The following ARHGEF10L variants were observed in gnomAD, a reference collection of about 807,000 sequenced individuals.
The protein encoded by ARHGEF10L is rho guanine nucleotide exchange factor 10-like protein.
ARHGEF10L carries 69 observed loss-of-function variants against 141.2 expected under a neutral mutation model. The ratio of observed to expected loss-of-function variants is 0.49; its 90% CI spans 0.40 to 0.60. The LOEUF (loss-of-function observed/expected upper bound fraction) is 0.60. Ranked by LOEUF, ARHGEF10L falls within the 20% of genes least tolerant of loss-of-function variation. The probability of loss-of-function intolerance (pLI) is 0.00; values close to 1 mark genes in which losing one functional copy is unlikely to be tolerated. For synonymous variants in ARHGEF10L, 711 were observed against 718.5 expected (o/e 0.99, Z 0.17); for missense variants, 1,482 against 1,734.3 (o/e 0.85, Z 2.58).
the ARHGEF10L span, among the ~76,000 whole-genome samples, chr1:17,532,552 T>G: frequency 9.2e-5 from 14 of 151,926 alleles, no homozygotes; most frequent in Non-Finnish European, 1.6e-4. Flanking sequence ...CAGCCCACAT[T>G]TACCCTGTGC....
intron 3 of ARHGEF10L, among the ~76,000 whole-genome samples, chr1:17,588,112 C>T (rs1215506705): frequency 6.6e-6 from 1 of 152,154 alleles, no homozygotes; most frequent in Non-Finnish European, 1.5e-5. Flanking sequence ...AATCTGGGGA[C>T]TGGACCAGCT....
At chr1:17,640,722 T>A (rs1405749800) in intron 21 of ARHGEF10L, among the ~76,000 whole-genome samples, 2 of 152,194 alleles carry the variant, frequency 1.3e-5, no homozygotes, top group Non-Finnish European at 2.9e-5. Flanking sequence ...TTTAAAAGGA[T>A]GCGTTTTATG....
chr1:17,598,403 A>T (rs1012992792), intron 4 of ARHGEF10L, among the ~76,000 whole-genome samples: 1 of 152,180 alleles, frequency 6.6e-6, no homozygotes, highest in Non-Finnish European at 1.5e-5. Flanking sequence ...CACTGTGCCT[A>T]AGAGACTTAT....
At chr1:17,614,258 G>A (rs565323031) in intron 8 of ARHGEF10L, among the ~76,000 whole-genome samples, 2 of 152,278 alleles carry the variant, frequency 1.3e-5, no homozygotes, top group Admixed American at 6.5e-5. Context: ...ACAGATACCC[G>A]CGAGAGGCCT....
At chr1:17,518,432 T>C in the ARHGEF10L span, among the ~76,000 whole-genome samples, 1 of 152,200 alleles carries the variant, frequency 6.6e-6, no homozygotes, top group African/African-American at 2.4e-5. Flanking sequence ...GATGTCTAGA[T>C]ACTTGTGCTC....
intron 14 of ARHGEF10L, among the ~76,000 whole-genome samples, chr1:17,626,324 G>A (rs1338038362): frequency 1.3e-5 from 2 of 152,278 alleles, no homozygotes; most frequent in African/African-American, 2.4e-5. Context: ...AGGGAATCCC[G>A]GGACCCGCAG....
chr1:17,638,007 C>T lies in ARHGEF10L; in HGVS notation c.2043+4C>T, dbSNP rs372796036. On this transcript the variant is annotated splice_donor_region_variant and intron_variant, in intron 19 of 28. Transcript: ENST00000361221. ...CACGCTGCACGGCACCTACCAGGTA[C>T]GTGGCCTGGCCTGACCTTTTTGGCC... 65 of 1,572,278 alleles carry T rather than the reference C, an allele frequency of 4.1e-5. No homozygotes were observed. Among genetic ancestry groups the T allele is most frequent in the South Asian group, 4.7e-5 (4 of 85,560 alleles).
At chr1:17,687,792 C>A in intron 27 of ARHGEF10L, 45 bp downstream of exon 27, 1 of 1,528,002 alleles carries the variant, frequency 6.5e-7, no homozygotes, top group Non-Finnish European at 8.8e-7. Flanking sequence ...CACAGAGCAC[C>A]TTCCACGGCC....
At chr1:17,695,379 G>A in intron 28 of ARHGEF10L, 99 bp downstream of exon 28, 1 of 1,451,124 alleles carries the variant, frequency 6.9e-7, no homozygotes, top group East Asian at 2.4e-5. Flanking sequence ...CATTGGTATA[G>A]GGATGGGGTT....
intron 21 of ARHGEF10L, among the ~76,000 whole-genome samples, chr1:17,643,638 C>T (rs777496249): frequency 7.9e-5 from 12 of 152,182 alleles, no homozygotes; most frequent in Non-Finnish European, 1.6e-4. Context: ...TCTGTGATCC[C>T]AGCAAACTAA....
At chr1:17,531,981 G>A in the ARHGEF10L span, among the ~76,000 whole-genome samples, 1 of 152,096 alleles carries the variant, frequency 6.6e-6, no homozygotes, top group Non-Finnish European at 1.5e-5. Flanking sequence ...GCCTAGGCGA[G>A]CCAGTGGGAG....
chr1:17,672,559 G>GT (rs1338728991), intron 26 of ARHGEF10L, among the ~76,000 whole-genome samples: 3 of 152,162 alleles, frequency 2.0e-5, no homozygotes, highest in Non-Finnish European at 4.4e-5. Context: ...CTGCTCGGCA[G>GT]TTTGTCTTAA....
chr1:17,683,616 C>CGGGCTGGGGCTG lies in ARHGEF10L; in HGVS notation c.3010-3957_3010-3956insGGGCTGGGGCTG, dbSNP rs1558026963. ...GAGCCCAGAGGTAGCTGAGACATGC[C>CGGGCTGGGGCTG]AGGCTGGGGCTGGGGCTAGGGCTGG... On this transcript the variant is annotated intron_variant, in intron 26 of 28. Transcript: ENST00000361221. Among the ~76,000 whole-genome samples the CGGGCTGGGGCTG allele has an allele frequency of 3.9e-5, 6 of 151,918 alleles. No homozygotes were observed. The East Asian group carries it at 9.7e-4, about 24-fold the overall frequency.
intron 22 of ARHGEF10L, among the ~76,000 whole-genome samples, chr1:17,651,637 G>A (rs1229870892): frequency 3.3e-5 from 5 of 152,130 alleles, no homozygotes; most frequent in African/African-American, 9.7e-5. Context: ...CTGCCACCTC[G>A]AACCTGGGGA....
chr1:17,564,079 G>A (rs2256500), intron 1 of ARHGEF10L, among the ~76,000 whole-genome samples: 8,058 of 152,226 alleles, frequency 0.053, 254 homozygotes, highest in Non-Finnish European at 0.064. Context: ...TGACATCATC[G>A]TTATCCTCAG....
At chr1:17,679,012 C>A (rs1366275807) in intron 26 of ARHGEF10L, among the ~76,000 whole-genome samples, 1 of 152,156 alleles carries the variant, frequency 6.6e-6, no homozygotes, top group Non-Finnish European at 1.5e-5. Flanking sequence ...CAATCAATTC[C>A]AAAATGGATT....
intron 16 of ARHGEF10L, among the ~76,000 whole-genome samples, chr1:17,633,387 A>G (rs918522085): frequency 6.6e-6 from 1 of 152,200 alleles, no homozygotes; most frequent in Non-Finnish European, 1.5e-5. Flanking sequence ...TCTGTCTCCC[A>G]GGCTGGAGTG....
At chr1:17,689,513 T>TCCCTCTCTCCCTCCCTGCCTCCTTC (rs2064905840) in intron 27 of ARHGEF10L, among the ~76,000 whole-genome samples, 2 of 468 alleles carry the variant, frequency 4.3e-3, no homozygotes, top group Non-Finnish European at 4.0e-3. Context: ...CCTGCCTCCC[T>TCCCTCTCTCCCTCCCTGCCTCCTTC]CCCTCCCTCT....
At chr1:17,601,849 G>A (rs879328545) in intron 4 of ARHGEF10L, among the ~76,000 whole-genome samples, 34 of 152,206 alleles carry the variant, frequency 2.2e-4, no homozygotes, top group Non-Finnish European at 4.4e-4. Context: ...GCACTAGGGA[G>A]AGACGAGACA....
Sources: allele counts gnomAD v4.1 joint callset (sites outside exome capture counted in the v4.1 genomes callset), GRCh38; gene constraint gnomAD v4.1.1; transcripts MANE v1.5; gene names NCBI Gene and HGNC (gene_info 2026-07-23, HGNC 2026-07-21).